ZMYM4: variants seen among roughly 807,000 people sequenced by gnomAD.
The protein encoded by ZMYM4 is zinc finger MYM-type containing 4, also known as zinc finger MYM-type protein 4.
ZMYM4 carries 31 observed loss-of-function variants against 183.2 expected under a neutral mutation model. That is an observed-to-expected ratio of 0.17 (90% CI 0.13 to 0.23). ZMYM4 has a LOEUF of 0.23. Ranked by LOEUF, ZMYM4 falls within the 10% of genes least tolerant of loss-of-function variation. The probability of loss-of-function intolerance (pLI) is 1.00; values close to 1 mark genes in which losing one functional copy is unlikely to be tolerated. For missense variants in ZMYM4, 1,273 were observed against 1,840.3 expected (o/e 0.69, Z 5.64); for synonymous variants, 592 against 631.2 (o/e 0.94, Z 0.93).
intron 7 of ZMYM4, among the ~76,000 whole-genome samples, chr1:35,379,614 A>G (rs1644408906): frequency 6.6e-6 from 1 of 152,172 alleles, no homozygotes; most frequent in African/African-American, 2.4e-5. Flanking sequence ...CTTTGCATTT[A>G]CTATGTGGTG....
chr1:35,301,732 G>A (rs1184769749), intron 1 of ZMYM4, among the ~76,000 whole-genome samples: 1 of 152,070 alleles, frequency 6.6e-6, no homozygotes, highest in South Asian at 2.1e-4. Context: ...AGAGTACTCT[G>A]CAGATCTCTG....
intron 1 of ZMYM4, among the ~76,000 whole-genome samples, chr1:35,289,239 A>G (rs1204942316): frequency 1.3e-5 from 2 of 152,216 alleles, no homozygotes; most frequent in African/African-American, 2.4e-5. Context: ...GCTCCTGTAT[A>G]TGAGATGAAC....
intron 1 of ZMYM4, among the ~76,000 whole-genome samples, chr1:35,285,477 T>C (rs1381163359): frequency 6.6e-6 from 1 of 152,122 alleles, no homozygotes; most frequent in Non-Finnish European, 1.5e-5. Flanking sequence ...CTCACTACAG[T>C]CTGTCCTTTG....
chr1:35,305,310 AT>A (rs1641485706), intron 1 of ZMYM4, among the ~76,000 whole-genome samples: 2 of 151,888 alleles, frequency 1.3e-5, no homozygotes, highest in Admixed American at 6.6e-5. Flanking sequence ...ACAGTTGGAG[AT>A]TTTACTTATC....
intron 2 of ZMYM4, among the ~76,000 whole-genome samples, chr1:35,337,479 A>G (rs908356604): frequency 6.6e-6 from 1 of 152,326 alleles, no homozygotes; most frequent in East Asian, 1.9e-4. Context: ...TTTATAACAT[A>G]TAAGAAATTA....
At chr1:35,382,228 ATATG>A (rs1205654059) in intron 9 of ZMYM4, among the ~76,000 whole-genome samples, 2 of 150,604 alleles carry the variant, frequency 1.3e-5, no homozygotes, top group African/African-American at 2.4e-5. Flanking sequence ...ATATACGTAT[ATATG>A]TATGTATATG....
At chr1:35,373,434 G>A (rs1644260047) in intron 7 of ZMYM4, among the ~76,000 whole-genome samples, 1 of 148,860 alleles carries the variant, frequency 6.7e-6, no homozygotes, top group African/African-American at 2.5e-5. Flanking sequence ...CTGGAGTGCA[G>A]TGGCGCAGTC....
intron 1 of ZMYM4, among the ~76,000 whole-genome samples, chr1:35,278,431 T>G (rs565984688): frequency 4.0e-5 from 6 of 151,728 alleles, no homozygotes; most frequent in East Asian, 1.9e-4. Flanking sequence ...ACTCTGTTTT[T>G]TTTTTTTTTT....
At chr1:35,340,475 T>A (rs1643157963) in intron 2 of ZMYM4, among the ~76,000 whole-genome samples, 3 of 151,964 alleles carry the variant, frequency 2.0e-5, no homozygotes, top group Admixed American at 1.3e-4. Flanking sequence ...CACATTATAA[T>A]GTAGAATCAG....
At chr1:35,413,578 A>G (rs1350870436) in intron 26 of ZMYM4, among the ~76,000 whole-genome samples, 3 of 152,182 alleles carry the variant, frequency 2.0e-5, no homozygotes, top group African/African-American at 7.2e-5. Context: ...ATCTAGGGTA[A>G]AAAACAAAAG....
At chr1:35,318,549 C>T (rs1174419447) in intron 1 of ZMYM4, among the ~76,000 whole-genome samples, 6 of 152,124 alleles carry the variant, frequency 3.9e-5, no homozygotes, top group Non-Finnish European at 7.3e-5. Flanking sequence ...CCTCCGTCTC[C>T]CAGGTTCAAG....
At chr1:35,382,508 TC>T (rs1254683487) in intron 9 of ZMYM4, among the ~76,000 whole-genome samples, 1 of 151,514 alleles carries the variant, frequency 6.6e-6, no homozygotes, top group African/African-American at 2.4e-5. Flanking sequence ...TGGAGTGTGA[TC>T]CCGGCTCACT....
chr1:35,308,183 G>A (rs188920890), intron 1 of ZMYM4, among the ~76,000 whole-genome samples: 91 of 151,142 alleles, frequency 6.0e-4, no homozygotes, highest in Non-Finnish European at 9.4e-4. Context: ...GTAGAAATGG[G>A]GTTTTGCCAC....
rs1643361742 is a variant in ZMYM4 at position 35,345,545 on chromosome 1, C to CCCGGGCTCAAGCAATTCT, written c.86-13375_86-13358dup. 2.0e-5 allele frequency among the ~76,000 whole-genome samples: 3 copies of CCCGGGCTCAAGCAATTCT among 151,982 alleles called. No homozygotes were observed. In the South Asian group the frequency reaches 6.2e-4, roughly 32 times the overall value. On this transcript the variant is annotated intron_variant, in intron 2 of 29. Coordinates refer to ENST00000314607, the MANE Select transcript of ZMYM4 (RefSeq NM_005095.3). The stretch of plus-strand genomic sequence containing the variant: ...TCTCGACTCACTGCCATCTCCGTCT[C>CCCGGGCTCAAGCAATTCT]CCGGGCTCAAGCAATTCTCCGGCCT...
At chr1:35,411,191 T>C (rs1284515469) in intron 26 of ZMYM4, among the ~76,000 whole-genome samples, 1 of 150,338 alleles carries the variant, frequency 6.7e-6, no homozygotes, top group Non-Finnish European at 1.5e-5. Context: ...TTTTTTCTTT[T>C]TTTTTTTTTT....
intron 2 of ZMYM4, among the ~76,000 whole-genome samples, chr1:35,345,120 A>G (rs969078044): frequency 6.6e-6 from 1 of 152,224 alleles, no homozygotes; most frequent in African/African-American, 2.4e-5. Flanking sequence ...AGCACTTGAA[A>G]TGTGATGGGT....
chr1:35,373,496 G>C (rs1644261708), intron 7 of ZMYM4, among the ~76,000 whole-genome samples: 1 of 149,246 alleles, frequency 6.7e-6, no homozygotes, highest in Non-Finnish European at 1.5e-5. Context: ...TCCTGCCTCA[G>C]CCTCCTGAGT....
chr1:35,410,527 C>T (rs190792922), intron 26 of ZMYM4, among the ~76,000 whole-genome samples: 7 of 151,794 alleles, frequency 4.6e-5, no homozygotes, highest in East Asian at 1.9e-4. Context: ...CTCGCTCTGT[C>T]GCCCAGGCTG....
chr1:35,398,728 A>G (rs970483453), intron 21 of ZMYM4, 136 bp from the exon 22 acceptor site: 3 of 906,608 alleles, frequency 3.3e-6, no homozygotes, highest in Non-Finnish European at 5.0e-6. Flanking sequence ...AAGTTACCTC[A>G]TTCTTGAGTG....
Sources: allele counts gnomAD v4.1 joint callset (sites outside exome capture counted in the v4.1 genomes callset), GRCh38; gene constraint gnomAD v4.1.1; transcripts MANE v1.5; gene names NCBI Gene and HGNC (gene_info 2026-07-23, HGNC 2026-07-21).